The following BLTP3A variants were observed in gnomAD, a reference collection of about 807,000 sequenced individuals.
BLTP3A encodes ICBP90 binding protein 1.
At chr6:34,862,975 C>T in the BLTP3A span, among the ~76,000 whole-genome samples, 1 of 149,944 alleles carries the variant, frequency 6.7e-6, no homozygotes, top group South Asian at 2.1e-4. Context: ...GTGGTGTGAT[C>T]TCGGCTCACT....
the BLTP3A span, among the ~76,000 whole-genome samples, chr6:34,846,410 A>C: frequency 2.0e-4 from 30 of 151,906 alleles, no homozygotes; most frequent in African/African-American, 7.0e-4. Flanking sequence ...CTCCCAAAGT[A>C]CTGAGATTAC....
chr6:34,826,646 C>T, the BLTP3A span, among the ~76,000 whole-genome samples: 3 of 152,180 alleles, frequency 2.0e-5, no homozygotes, highest in African/African-American at 7.2e-5. Context: ...ACGTGAGCGA[C>T]TGTGCCTGGC....
At chr6:34,817,074 G>A in the BLTP3A span, among the ~76,000 whole-genome samples, 4 of 152,148 alleles carry the variant, frequency 2.6e-5, no homozygotes, top group Non-Finnish European at 4.4e-5. Flanking sequence ...TTCTGCTTTC[G>A]CTTCTGTCAG....
chr6:34,841,320 C>G, the BLTP3A span, among the ~76,000 whole-genome samples: 2 of 151,740 alleles, frequency 1.3e-5, no homozygotes, highest in African/African-American at 4.8e-5. Context: ...CCGCCCACTT[C>G]AGCCTCCCAA....
At chr6:34,815,936 G>A in the BLTP3A span, among the ~76,000 whole-genome samples, 4 of 152,180 alleles carry the variant, frequency 2.6e-5, no homozygotes, top group African/African-American at 7.2e-5. Flanking sequence ...GTGAGCAACC[G>A]TGCCCGGCCT....
the BLTP3A span, among the ~76,000 whole-genome samples, chr6:34,819,478 A>G: frequency 2.8e-4 from 42 of 152,164 alleles, no homozygotes; most frequent in African/African-American, 9.7e-4. Context: ...TATGTGGGCC[A>G]GCATTCTGTT....
At chr6:34,834,212 T>C in the BLTP3A span, 7 of 1,613,202 alleles carry the variant, frequency 4.3e-6, no homozygotes, top group Non-Finnish European at 5.9e-6. Flanking sequence ...CCTCATTTGT[T>C]GTAGTGAATA....
chr6:34,823,826 A>G, the BLTP3A span, among the ~76,000 whole-genome samples: 1 of 151,872 alleles, frequency 6.6e-6, no homozygotes, highest in Non-Finnish European at 1.5e-5. Flanking sequence ...GTGAACCACC[A>G]TGCCCAACGT....
the BLTP3A span, chr6:34,871,065 G>T: frequency 1.2e-6 from 2 of 1,614,060 alleles, no homozygotes; most frequent in South Asian, 2.2e-5. Flanking sequence ...AGGAGATCCC[G>T]GTGGTAGTCC....
the BLTP3A span, chr6:34,871,173 C>T: frequency 1.5e-5 from 23 of 1,553,588 alleles, no homozygotes; most frequent in African/African-American, 4.1e-5. Context: ...TTGCCCTGGA[C>T]TTTGTCAAGC....
the BLTP3A span, among the ~76,000 whole-genome samples, chr6:34,804,442 C>G: frequency 6.6e-6 from 1 of 151,998 alleles, no homozygotes; most frequent in African/African-American, 2.4e-5. Context: ...AGCAGAAAGC[C>G]CAGTAATGCA....
chr6:34,829,472 A>G, the BLTP3A span, among the ~76,000 whole-genome samples: 3 of 152,222 alleles, frequency 2.0e-5, no homozygotes, highest in Non-Finnish European at 2.9e-5. Context: ...AGGTAAATAT[A>G]TACTCATTTG....
At chr6:34,871,998 G>A in the BLTP3A span, 5 of 1,466,956 alleles carry the variant, frequency 3.4e-6, no homozygotes, top group South Asian at 2.4e-5. Context: ...AAAACCCGGG[G>A]TTGGGGGGCA....
chr6:34,858,448 T>C, the BLTP3A span: 2 of 1,614,204 alleles, frequency 1.2e-6, no homozygotes, highest in South Asian at 1.1e-5. Context: ...GTCTGTCCAC[T>C]TTACCCAGAT....
chr6:34,864,782 A>G, the BLTP3A span, among the ~76,000 whole-genome samples: 5 of 152,266 alleles, frequency 3.3e-5, no homozygotes, highest in East Asian at 9.6e-4. Flanking sequence ...AGCCTGGCCA[A>G]CATGGTAAAA....
At chr6:34,870,822 A>G in the BLTP3A span, 2 of 1,608,402 alleles carry the variant, frequency 1.2e-6, no homozygotes, top group Non-Finnish European at 1.7e-6. Flanking sequence ...CTGGCCGTTA[A>G]TTAGTTGTCT....
At chr6:34,867,140 T>G in the BLTP3A span, 1 of 1,403,138 alleles carries the variant, frequency 7.1e-7, no homozygotes, top group African/African-American at 1.4e-5. Context: ...TTTTGTTTTA[T>G]TTTTACAGTT....
chr6:34,838,449 G>A, the BLTP3A span, among the ~76,000 whole-genome samples: 2 of 152,058 alleles, frequency 1.3e-5, no homozygotes, highest in African/African-American at 4.8e-5. Flanking sequence ...CACATTAAGG[G>A]TAAGAAAGGT....
chr6:34,836,738 T>C, the BLTP3A span, among the ~76,000 whole-genome samples: 20,230 of 152,242 alleles, frequency 0.13, 1,543 homozygotes, highest in African/African-American at 0.2. Flanking sequence ...GGAAAGTAAA[T>C]TCAACTATAG....
Sources: gnomAD v4.1 joint callset for allele counts (sites outside exome capture counted in the v4.1 genomes callset) on GRCh38, gnomAD v4.1.1 for gene constraint, MANE v1.5 for transcripts, NCBI Gene and HGNC (gene_info 2026-07-23, HGNC 2026-07-21) for gene names.